ADAM9: variants seen among roughly 807,000 people sequenced by gnomAD.
The protein encoded by ADAM9 is ADAM metallopeptidase domain 9.
In ADAM9, 54 loss-of-function variants were observed where a neutral mutation model predicts 108.1. The ratio of observed to expected loss-of-function variants is 0.50; its 90% CI spans 0.40 to 0.63. The LOEUF is 0.63. Ranked by LOEUF, ADAM9 falls within the 20% of genes least tolerant of loss-of-function variation. The pLI, the probability that ADAM9 is intolerant of heterozygous loss-of-function variation, is 0.00. For synonymous variants in ADAM9, 316 were observed against 336.0 expected (o/e 0.94, Z 0.65); for missense variants, 830 against 997.7 (o/e 0.83, Z 2.26).
chr8:39,062,453 A>G (rs1838328012), intron 14 of ADAM9, among the ~76,000 whole-genome samples: 1 of 152,190 alleles, frequency 6.6e-6, no homozygotes, highest in Non-Finnish European at 1.5e-5. Flanking sequence ...AAGTAAGACT[A>G]TGGGAAGCTG....
Position 39,007,952 on chromosome 8 carries a change from G to T in ADAM9, c.164G>T (p.Arg55Ile). The T allele has an allele frequency of 6.2e-7, 1 of 1,610,522 alleles. No homozygotes were observed. ...ACTCCTTGGAGATTAACTAGAGAAA[G>T]AAGAGAAGCCCCTAGGCCCTATTCA... is the stretch of plus-strand genomic sequence containing the variant. ...IITPWRLTRE[R>I]REAPRPYSKQ... Residue 55 changes from arginine to isoleucine, a missense_variant, in exon 2 of 22, where the codon AGA becomes ATA. Coordinates refer to ENST00000487273, the MANE Select transcript of ADAM9 (RefSeq NM_003816.3).
intron 20 of ADAM9, among the ~76,000 whole-genome samples, chr8:39,098,425 T>C (rs1839578256): frequency 6.6e-6 from 1 of 152,282 alleles, no homozygotes; most frequent in African/African-American, 2.4e-5. Context: ...TATCTCTGTT[T>C]CTTAACCTCT....
At position 39,007,991 on chromosome 8, in the gene ADAM9, A is replaced by G. The variant is rs756449902; in HGVS notation, c.195+8A>G. 3.2e-6 allele frequency: 5 copies of G among 1,562,444 alleles called. No individual in the cohort carries two copies. The highest frequency in any genetic ancestry group is 1.1e-5 in the South Asian group (1 of 90,028). ...AGGCCCTATTCAAAACAAGTAAGTTATAATTGTTGAGAAATAATATGTGGT... is the reference window on the plus strand; with the variant it reads ...AGGCCCTATTCAAAACAAGTAAGTTGTAATTGTTGAGAAATAATATGTGGT... On this transcript the variant is annotated splice_region_variant and intron_variant, in intron 2 of 21. Transcript: ENST00000487273.
intron 1 of ADAM9, among the ~76,000 whole-genome samples, chr8:39,002,097 C>T (rs1836013106): frequency 1.3e-5 from 2 of 149,024 alleles, no homozygotes; most frequent in East Asian, 1.9e-4. Flanking sequence ...TTATATGGCT[C>T]GAAATAATAG....
intron 12 of ADAM9, among the ~76,000 whole-genome samples, chr8:39,044,912 A>AGGTATG (rs1588374038): frequency 4.0e-5 from 6 of 151,166 alleles, no homozygotes; most frequent in Non-Finnish European, 7.4e-5. Context: ...ACACATACAT[A>AGGTATG]TGTATGTATA....
chr8:39,015,544 G>A (rs1036072930), intron 4 of ADAM9: 1 of 152,330 alleles, frequency 6.6e-6, no homozygotes, highest in Non-Finnish European at 1.5e-5. Flanking sequence ...AAGTGTGATT[G>A]TAGATTTGAA....
At chr8:39,045,884 T>A (rs1007856075) in intron 12 of ADAM9, among the ~76,000 whole-genome samples, 1 of 152,062 alleles carries the variant, frequency 6.6e-6, no homozygotes, top group Admixed American at 6.6e-5. Context: ...TCAGCCTTTT[T>A]TTTTTTGACT....
intron 11 of ADAM9, among the ~76,000 whole-genome samples, chr8:39,028,559 G>A (rs944191348): frequency 4.6e-5 from 7 of 152,210 alleles, no homozygotes; most frequent in Non-Finnish European, 7.3e-5. Flanking sequence ...CAGAGGTAAG[G>A]AGGGAATGTT....
intron 20 of ADAM9, among the ~76,000 whole-genome samples, chr8:39,100,386 G>A (rs1437139543): frequency 2.0e-5 from 3 of 151,632 alleles, no homozygotes; most frequent in Non-Finnish European, 4.4e-5. Context: ...CCAGCTACTC[G>A]GGAGGCTGAG....
chr8:39,021,493 A>G (rs909887876), intron 7 of ADAM9, 150 bp from the exon 8 acceptor site: 1 of 697,090 alleles, frequency 1.4e-6, no homozygotes, highest in East Asian at 2.8e-5. Flanking sequence ...CATGTTGGCT[A>G]GGCTGGTCTC....
chr8:39,091,304 T>C lies in ADAM9; in HGVS notation c.2256T>C (p.Ser752=). 6.2e-7 allele frequency: 1 copy of C among 1,614,040 alleles called. No homozygotes were observed. Among genetic ancestry groups the C allele is most frequent in the East Asian group, 2.2e-5 (1 of 44,870 alleles). ...NQANPSRQPG[S]VPRHVSPVTP... is the part of the protein sequence containing the mutation. ...CAAACCCTTCTAGACAGCCGGGGAG[T>C]GTTCCTCGACATGTTTCTCCAGTGA... Residue 752 remains serine, a synonymous_variant, in exon 20 of 22, where the codon AGT becomes AGC. Transcript: ENST00000487273.
chr8:39,006,968 C>A (rs2129431929), intron 1 of ADAM9, among the ~76,000 whole-genome samples: 1 of 152,300 alleles, frequency 6.6e-6, no homozygotes, highest in African/African-American at 2.4e-5. Flanking sequence ...CTCTTACAGT[C>A]CTTGTCCATT....
intron 1 of ADAM9, among the ~76,000 whole-genome samples, chr8:39,001,704 G>T (rs1241028332): frequency 6.7e-6 from 1 of 150,010 alleles, no homozygotes; most frequent in African/African-American, 2.5e-5. Flanking sequence ...GTCTCACACT[G>T]TTGCCCAGAC....
At chr8:39,080,163 A>G (rs545390262) in intron 16 of ADAM9, among the ~76,000 whole-genome samples, 2 of 140,940 alleles carry the variant, frequency 1.4e-5, no homozygotes, top group Admixed American at 7.5e-5. Flanking sequence ...ATGTCTTTCT[A>G]TTCTGCTTGT....
chr8:39,090,270 C>G, intron 19 of ADAM9, 82 bp downstream of exon 19: 2 of 1,224,170 alleles, frequency 1.6e-6, no homozygotes, highest in Non-Finnish European at 1.2e-6. Context: ...TCCCTGGGCT[C>G]AGGTGATTCC....
chr8:39,099,660 A>C (rs77886796), intron 20 of ADAM9, among the ~76,000 whole-genome samples: 5,091 of 152,244 alleles, frequency 0.033, 284 homozygotes, highest in African/African-American at 0.12. Flanking sequence ...AAAAGATTAA[A>C]ATTTTTTTAA....
chr8:39,072,913 C>T (rs1421249163), intron 15 of ADAM9, among the ~76,000 whole-genome samples: 2 of 152,048 alleles, frequency 1.3e-5, no homozygotes, highest in African/African-American at 2.4e-5. Flanking sequence ...GCTTAATTCC[C>T]GAGTAGTTGG....
chr8:39,015,401 C>T (rs995827580), intron 4 of ADAM9: 28 of 152,118 alleles, frequency 1.8e-4, no homozygotes, highest in African/African-American at 5.1e-4. Context: ...ACTTATGTAA[C>T]TATTATCTTA....
intron 8 of ADAM9, 111 bp downstream of exon 8, chr8:39,021,825 CTT>C: frequency 1.1e-6 from 1 of 926,290 alleles, no homozygotes; most frequent in Non-Finnish European, 1.8e-6. Flanking sequence ...GCCTCAATGA[CTT>C]AGTCTTTCAG....
Sources: gnomAD v4.1 joint callset for allele counts (sites outside exome capture counted in the v4.1 genomes callset) on GRCh38, gnomAD v4.1.1 for gene constraint, MANE v1.5 for transcripts, NCBI Gene and HGNC (gene_info 2026-07-23, HGNC 2026-07-21) for gene names.